The following CD47 variants were observed in gnomAD, a reference collection of about 807,000 sequenced individuals.
CD47 encodes leukocyte surface antigen CD47.
In CD47, 11 loss-of-function variants were observed where a neutral mutation model predicts 44.6. The ratio of observed to expected loss-of-function variants is 0.25; its 90% CI spans 0.16 to 0.41. The LOEUF is 0.41. CD47 is among the 10% of genes least tolerant of loss of function. CD47 has a pLI of 1.00. For missense variants in CD47, 306 were observed against 386.7 expected (o/e 0.79, Z 1.75); for synonymous variants, 140 against 136.3 (o/e 1.03, Z -0.19).
intron 3 of CD47, among the ~76,000 whole-genome samples, chr3:108,066,985 A>G (rs930791107): frequency 3.3e-5 from 5 of 152,266 alleles, no homozygotes; most frequent in Non-Finnish European, 7.3e-5. Flanking sequence ...ATAAAACGGT[A>G]GAAACCGATC....
chr3:108,068,858 C>T (rs1341177895), intron 3 of CD47, among the ~76,000 whole-genome samples: 2 of 152,178 alleles, frequency 1.3e-5, no homozygotes, highest in African/African-American at 4.8e-5. Flanking sequence ...TATAGACATA[C>T]CTCTTCCATG....
intron 2 of CD47, among the ~76,000 whole-genome samples, chr3:108,075,963 T>C (rs528789803): frequency 2.0e-5 from 3 of 152,348 alleles, no homozygotes; most frequent in South Asian, 2.1e-4. Flanking sequence ...GCTGCTACAA[T>C]TCCTTGGCAG....
intron 3 of CD47, among the ~76,000 whole-genome samples, chr3:108,063,759 G>A (rs1338945570): frequency 2.6e-5 from 4 of 152,136 alleles, no homozygotes; most frequent in Non-Finnish European, 5.9e-5. Flanking sequence ...GGCTTGGCAA[G>A]GCAATCTATG....
At chr3:108,058,219 G>C in intron 6 of CD47, 118 bp downstream of exon 6, 1 of 553,874 alleles carries the variant, frequency 1.8e-6, no homozygotes. Flanking sequence ...ACCAAAAACT[G>C]CACTAAAAAA....
In CD47 at chr3:108,090,928, T is replaced by C. The variant is rs2108280830; in HGVS notation, c.-20A>G. The C allele has an allele frequency of 6.9e-7, 1 of 1,446,252 alleles. No individual in the cohort carries two copies. Among genetic ancestry groups the C allele is most frequent in the Non-Finnish European group, 9.1e-7 (1 of 1,097,608 alleles). 89.6% of individuals were successfully genotyped at this position (1,446,252 alleles called of 1,614,324 possible). A position where few individuals can be genotyped will look rare whatever the true frequency, so the allele number is the denominator to read the frequency against. Reference sequence around the variant, plus strand: ...CCACATCTCCGCGCCCGCCGCGGGGTCGCCGCCGCCGCCGCAGGTGTCCGG... The same window carrying C: ...CCACATCTCCGCGCCCGCCGCGGGGCCGCCGCCGCCGCCGCAGGTGTCCGG... On this transcript the variant is annotated 5_prime_UTR_variant, in exon 1 of 11. Coordinates refer to ENST00000361309, the MANE Select transcript of CD47 (RefSeq NM_001777.4).
In CD47 at chr3:108,080,298, C is replaced by T. The variant is rs528174072; in HGVS notation, c.93G>A (p.Thr31=). Residue 31 remains threonine (T), a synonymous_variant, in exon 2 of 11, where the codon ACG becomes ACA. Coordinates refer to ENST00000361309, the MANE Select transcript of CD47 (RefSeq NM_001777.4). ...LFNKTKSVEF[T]FCNDTVVIPC... is the part of the protein sequence containing the mutation. ...GAATGACGACAGTGTCATTACAAAA[C>T]GTGAATTCTACAGATTTTGTTTTAT... 1.3e-5 allele frequency: 21 copies of T among 1,610,966 alleles called. No individual in the cohort carries two copies. Among genetic ancestry groups the T allele is most frequent in the South Asian group, 5.5e-5 (5 of 90,894 alleles).
At chr3:108,087,020 C>T (rs564319309) in intron 1 of CD47, among the ~76,000 whole-genome samples, 2 of 152,174 alleles carry the variant, frequency 1.3e-5, no homozygotes, top group African/African-American at 4.8e-5. Context: ...AGAGGGAGTC[C>T]AAACCACACA....
Position 108,058,322 on chromosome 3 carries a change from A to G in CD47, c.784+15T>C. ...AAAGTAACCCAAATTAGGTCTACAGAAAGATGACTCTTACCCGCAATACAG... is the reference window on the plus strand; with the variant it reads ...AAAGTAACCCAAATTAGGTCTACAGGAAGATGACTCTTACCCGCAATACAG... On this transcript the variant is annotated intron_variant, in intron 6 of 10. Coordinates refer to ENST00000361309, the MANE Select transcript of CD47 (RefSeq NM_001777.4). The G allele has an allele frequency of 1.3e-6, 2 of 1,495,726 alleles. No homozygotes were observed. The highest frequency in any genetic ancestry group is 2.5e-5 in the South Asian group (2 of 80,720). 92.7% of individuals were successfully genotyped at this position (1,495,726 alleles called of 1,614,324 possible).
intron 1 of CD47, among the ~76,000 whole-genome samples, chr3:108,088,731 A>C (rs1223589895): frequency 6.6e-6 from 1 of 152,258 alleles, no homozygotes; most frequent in East Asian, 1.9e-4. Flanking sequence ...TAGCTAATAA[A>C]TACCACTGAA....
At chr3:108,088,126 C>T (rs2079555951) in intron 1 of CD47, among the ~76,000 whole-genome samples, 1 of 152,216 alleles carries the variant, frequency 6.6e-6, no homozygotes, top group East Asian at 1.9e-4. Flanking sequence ...AAACCTAAGA[C>T]AGGGAAAGTG....
At chr3:108,051,074 T>C (rs2078818265) in intron 8 of CD47, among the ~76,000 whole-genome samples, 1 of 152,214 alleles carries the variant, frequency 6.6e-6, no homozygotes, top group Admixed American at 6.5e-5. Context: ...GGCACCAATC[T>C]TTCTAGAATA....
Position 108,045,057 on chromosome 3 carries a change from T to C in CD47, c.*2231A>G, listed in dbSNP as rs1245257893. The C allele has an allele frequency of 6.6e-6, 1 of 152,624 alleles. No homozygotes were observed. Among genetic ancestry groups the C allele is most frequent in the Non-Finnish European group, 1.5e-5 (1 of 68,040 alleles). The allele number at this position is 152,624 out of a possible 1,614,324, so 9.5% of individuals were successfully genotyped here. ...GAGGACTCCTGCTTCTGTGGTCACT[T>C]ATCCAGAGAAGCTGACAACTAGTGA... On this transcript the variant is annotated 3_prime_UTR_variant, in exon 11 of 11. Transcript: ENST00000361309.
intron 2 of CD47, among the ~76,000 whole-genome samples, chr3:108,074,950 T>C (rs1577009780): frequency 2.0e-5 from 3 of 152,322 alleles, no homozygotes; most frequent in South Asian, 2.1e-4. Context: ...TATTAAGCTA[T>C]TGATTTGTTA....
intron 10 of CD47, among the ~76,000 whole-genome samples, chr3:108,048,544 C>A (rs1284044054): frequency 6.6e-6 from 1 of 151,908 alleles, no homozygotes; most frequent in African/African-American, 2.4e-5. Context: ...GCCACCATGC[C>A]CGGCTAATTT....
chr3:108,077,442 T>C (rs2079329952), intron 2 of CD47, among the ~76,000 whole-genome samples: 1 of 152,078 alleles, frequency 6.6e-6, no homozygotes, highest in Middle Eastern at 3.2e-3. Context: ...TCTTACATTG[T>C]TGATGGAAAT....
intron 3 of CD47, among the ~76,000 whole-genome samples, chr3:108,066,305 C>G (rs1174517556): frequency 6.6e-6 from 1 of 152,042 alleles, no homozygotes; most frequent in Non-Finnish European, 1.5e-5. Context: ...GAATCAAGTA[C>G]AGCAGTCCTC....
intron 10 of CD47, among the ~76,000 whole-genome samples, chr3:108,049,213 A>C (rs2078780131): frequency 6.6e-6 from 1 of 151,886 alleles, no homozygotes; most frequent in Non-Finnish European, 1.5e-5. Flanking sequence ...AGAGATGTTA[A>C]GTCCCCATGG....
chr3:108,055,459 G>T, intron 7 of CD47: 1 of 948,552 alleles, frequency 1.1e-6, no homozygotes, highest in South Asian at 1.4e-5. Flanking sequence ...GATTATATAA[G>T]CAAACCATAT....
chr3:108,057,498 G>A lies in CD47; in HGVS notation c.856C>T (p.Leu286=), dbSNP rs2078930800. Residue 286 remains leucine, a synonymous_variant, in exon 7 of 11, where the codon CTA becomes TTA. Transcript: ENST00000361309. ...SILALAQLLG[L]VYMKFVASNQ... ...TTACCCACAAATTTCATATAAACTAGTCCAAGTAATTGTGCTAGAGCTAAG... is the reference window on the plus strand; with the variant it reads ...TTACCCACAAATTTCATATAAACTAATCCAAGTAATTGTGCTAGAGCTAAG... The A allele has an allele frequency of 1.9e-6, 3 of 1,543,356 alleles. No individual in the cohort carries two copies. The highest frequency in any genetic ancestry group is 2.7e-6 in the Non-Finnish European group (3 of 1,116,044).
Sources: gnomAD v4.1 joint callset for allele counts (sites outside exome capture counted in the v4.1 genomes callset) on GRCh38, gnomAD v4.1.1 for gene constraint, MANE v1.5 for transcripts, NCBI Gene and HGNC (gene_info 2026-07-23, HGNC 2026-07-21) for gene names.